Variants in CDC27 observed in about 807,000 individuals in gnomAD.
CDC27 encodes cell division cycle 27.
CDC27 carries 27 observed loss-of-function variants against 109.7 expected under a neutral mutation model. That is an observed-to-expected ratio of 0.25 (90% CI 0.18 to 0.34). The LOEUF (loss-of-function observed/expected upper bound fraction) is 0.34, where lower values mean the gene tolerates loss of function less well. Among genes scored for constraint, CDC27 ranks in the 10% least tolerant of loss-of-function variants. CDC27 has a pLI of 1.00. For synonymous variants in CDC27, 266 were observed against 333.9 expected (o/e 0.80, Z 2.22); for missense variants, 579 against 960.2 (o/e 0.60, Z 5.25).
chr17:47,159,629 G>A, intron 4 of CDC27: 1 of 462,152 alleles, frequency 2.2e-6, no homozygotes, highest in Non-Finnish European at 3.9e-6. Flanking sequence ...GCAGATGGCA[G>A]TGGCCACCTC....
chr17:47,141,744 CA>C, intron 12 of CDC27, 108 bp downstream of exon 12: 1 of 573,852 alleles, frequency 1.7e-6, no homozygotes, highest in Non-Finnish European at 3.0e-6. Flanking sequence ...ATAGACATTA[CA>C]TAATAAATAC....
intron 7 of CDC27, among the ~76,000 whole-genome samples, chr17:47,155,150 A>G (rs1274576400): frequency 6.6e-6 from 1 of 152,212 alleles, no homozygotes; most frequent in Non-Finnish European, 1.5e-5. Context: ...AGAGACCATT[A>G]GATAACTATA....
chr17:47,149,480 C>T (rs1414580754), intron 9 of CDC27, among the ~76,000 whole-genome samples: 2 of 134,808 alleles, frequency 1.5e-5, no homozygotes, highest in Admixed American at 8.1e-5. Context: ...CACTGCACTT[C>T]AGCCTGGTGA....
chr17:47,188,933 T>C, intron 1 of CDC27: 2 of 1,383,634 alleles, frequency 1.4e-6, no homozygotes, highest in Non-Finnish European at 1.9e-6. Flanking sequence ...CCGAAGCCGC[T>C]CACGCTAAGG....
intron 1 of CDC27, 145 bp downstream of exon 1, chr17:47,189,001 C>T (rs999296617): frequency 2.9e-5 from 44 of 1,497,022 alleles, no homozygotes; most frequent in Middle Eastern, 4.7e-4. Flanking sequence ...GGCCTCCGAA[C>T]TGACTAAAGA....
Position 47,154,725 on chromosome 17 carries a change from T to C in CDC27, c.904A>G (p.Thr302Ala). The C allele has an allele frequency of 6.2e-7, 1 of 1,610,658 alleles. No individual in the cohort carries two copies. The highest frequency in any genetic ancestry group is 2.2e-5 in the East Asian group (1 of 44,822). ...ACATCAATTACAGGAGGTGTATTAGTGTAGTTTTGTAAATAGGATCCATCT... is the reference window on the plus strand; with the variant it reads ...ACATCAATTACAGGAGGTGTATTAGCGTAGTTTTGTAAATAGGATCCATCT... ...PGDGSYLQNYTNTPPVIDVPS... is the reference protein window; with the variant it reads ...PGDGSYLQNYANTPPVIDVPS... The change falls in exon 8 of 19, where the codon ACT (threonine) becomes GCT (alanine). Residue 302 changes from threonine to alanine, a missense_variant. By Grantham distance (58) the Thr-to-Ala change is moderately conservative. Transcript: ENST00000066544.
intron 7 of CDC27, among the ~76,000 whole-genome samples, chr17:47,156,422 G>A (rs1009676923): frequency 3.3e-5 from 5 of 151,904 alleles, no homozygotes; most frequent in Non-Finnish European, 7.4e-5. Context: ...ACAGGCGTGA[G>A]CCACTGCGCC....
Position 47,157,399 on chromosome 17 carries a change from A to AG in CDC27, c.476-16_476-15insC, listed in dbSNP as rs751779345. The AG allele has an allele frequency of 6.3e-7, 1 of 1,594,186 alleles. No individual in the cohort carries two copies. Among genetic ancestry groups the AG allele is most frequent in the Admixed American group, 1.8e-5 (1 of 54,298 alleles). ...TGGCTTTTCACCTGTGAAGACAAAA[A>AG]AAAAAAAAGTTTGTCTCTGAGGAAG... is the stretch of plus-strand genomic sequence containing the variant. On this transcript the variant is annotated splice_polypyrimidine_tract_variant and intron_variant, in intron 5 of 18. Coordinates refer to ENST00000066544, the MANE Select transcript of CDC27 (RefSeq NM_001256.6).
intron 1 of CDC27, chr17:47,188,738 T>A: frequency 9.8e-7 from 1 of 1,023,820 alleles, no homozygotes; most frequent in Non-Finnish European, 1.2e-6. Flanking sequence ...TCCGTAAACT[T>A]GCCCTACCGT....
intron 2 of CDC27, among the ~76,000 whole-genome samples, chr17:47,175,074 G>T (rs991158968): frequency 1.5e-5 from 2 of 135,394 alleles, no homozygotes; most frequent in African/African-American, 2.7e-5. Flanking sequence ...AGGAAGGAAG[G>T]AAGGAAGGAA....
chr17:47,139,165 C>T (rs189473236), intron 12 of CDC27, among the ~76,000 whole-genome samples: 52 of 151,834 alleles, frequency 3.4e-4, no homozygotes, highest in Admixed American at 2.6e-3. Context: ...CCAAAAAGAC[C>T]GAAGAGAAAT....
At chr17:47,152,446 T>C (rs11570501) in intron 8 of CDC27, among the ~76,000 whole-genome samples, 5,961 of 152,282 alleles carry the variant, frequency 0.039, 140 homozygotes, top group Middle Eastern at 0.075. Flanking sequence ...TATTGTTCTT[T>C]AGAGTTAATA....
At chr17:47,144,054 G>T in intron 9 of CDC27, 72 bp from the exon 10 acceptor site, 2 of 507,256 alleles carry the variant, frequency 3.9e-6, no homozygotes, top group Non-Finnish European at 6.2e-6. Flanking sequence ...GTTTCAATTT[G>T]GGTATATTTT....
chr17:47,159,144 G>GT (rs1243412515), intron 4 of CDC27: 51 of 339,874 alleles, frequency 1.5e-4, no homozygotes, highest in South Asian at 2.5e-4. Flanking sequence ...ATTTGTTGTT[G>GT]TTTTTTTTCC....
chr17:47,118,226 G>A lies in CDC27; in HGVS notation c.*2709C>T, dbSNP rs1353725409. The A allele has an allele frequency of 6.6e-6, 1 of 152,148 alleles. No homozygotes were observed. The highest frequency in any genetic ancestry group is 2.4e-5 in the African/African-American group (1 of 41,416). 9.4% of individuals were successfully genotyped at this position (152,148 alleles called of 1,614,324 possible). A position where few individuals can be genotyped will look rare whatever the true frequency, so the allele number is the denominator to read the frequency against. ...TTCTTCAAAAAGAGCATTTTTAATA[G>A]ACTAAATACTGGTTATCACTGAGTT... On this transcript the variant is annotated 3_prime_UTR_variant, in exon 19 of 19. Transcript: ENST00000066544.
At position 47,181,683 on chromosome 17, in the gene CDC27, T is replaced by C. The variant is rs373527070; in HGVS notation, c.28-46A>G. The C allele has an allele frequency of 1.8e-5, 19 of 1,082,536 alleles. No individual in the cohort carries two copies. In the African/African-American group the frequency reaches 2.8e-4, roughly 16 times the overall value. 67.1% of individuals were successfully genotyped at this position (1,082,536 alleles called of 1,614,324 possible). A position where few individuals can be genotyped will look rare whatever the true frequency, so the allele number is the denominator to read the frequency against. ...ACATAAATATACATACATACAGACTTTCAAGGTAACTACTAGCACACAGCC... is the reference window on the plus strand; with the variant it reads ...ACATAAATATACATACATACAGACTCTCAAGGTAACTACTAGCACACAGCC... On this transcript the variant is annotated intron_variant, in intron 1 of 18. Coordinates refer to ENST00000066544, the MANE Select transcript of CDC27 (RefSeq NM_001256.6).
intron 14 of CDC27, among the ~76,000 whole-genome samples, chr17:47,134,786 T>C (rs1212111053): frequency 1.7e-5 from 2 of 118,686 alleles, no homozygotes; most frequent in South Asian, 5.0e-4. Flanking sequence ...AATTGTTTTC[T>C]TTTTTTTTTT....
chr17:47,166,088 T>C (rs2063635920), intron 4 of CDC27, among the ~76,000 whole-genome samples: 1 of 152,210 alleles, frequency 6.6e-6, no homozygotes, highest in South Asian at 2.1e-4. Flanking sequence ...TCTGATTTCC[T>C]AATTTTTTTT....
chr17:47,124,033 G>T, intron 16 of CDC27, 73 bp from the exon 17 acceptor site: 3 of 913,708 alleles, frequency 3.3e-6, no homozygotes, highest in South Asian at 1.7e-5. Flanking sequence ...TTACTTATTT[G>T]ATTTCCCAAA....
Sources: gnomAD v4.1 joint callset for allele counts (sites outside exome capture counted in the v4.1 genomes callset) on GRCh38, gnomAD v4.1.1 for gene constraint, MANE v1.5 for transcripts, NCBI Gene and HGNC (gene_info 2026-07-23, HGNC 2026-07-21) for gene names.